Variants in NRXN3 observed in about 807,000 individuals in gnomAD.
The protein encoded by NRXN3 is neurexin 3.
NRXN3 carries 32 observed loss-of-function variants against 137.6 expected under a neutral mutation model. That is an observed-to-expected ratio of 0.23 (90% CI 0.18 to 0.31). The LOEUF is 0.31. Among genes scored for constraint, NRXN3 ranks in the 10% least tolerant of loss-of-function variants. The pLI, the probability that NRXN3 is intolerant of heterozygous loss-of-function variation, is 1.00. For synonymous variants in NRXN3, 798 were observed against 784.5 expected (o/e 1.02, Z -0.29); for missense variants, 1,574 against 2,062.5 (o/e 0.76, Z 4.59).
intron 15 of NRXN3, among the ~76,000 whole-genome samples, chr14:79,462,931 T>TA (rs1262728428): frequency 6.6e-6 from 1 of 152,132 alleles, no homozygotes; most frequent in African/African-American, 2.4e-5. Context: ...TATGTATATA[T>TA]TATTTGTATA....
chr14:79,740,011 C>T (rs1264588297), intron 19 of NRXN3, among the ~76,000 whole-genome samples: 1 of 152,156 alleles, frequency 6.6e-6, no homozygotes, highest in East Asian at 1.9e-4. Context: ...AGGATGCTGG[C>T]TGCTGCCTCA....
chr14:79,634,548 A>C (rs17109638), intron 16 of NRXN3, among the ~76,000 whole-genome samples: 40,143 of 152,120 alleles, frequency 0.26, 5,968 homozygotes, highest in African/African-American at 0.4. Context: ...TAAAGCAAGA[A>C]CTGTAAAACT....
intron 20 of NRXN3, among the ~76,000 whole-genome samples, chr14:79,828,803 C>T (rs1357795333): frequency 6.6e-6 from 1 of 151,954 alleles, no homozygotes; most frequent in African/African-American, 2.4e-5. Context: ...CAAGCACATA[C>T]AGCCTGATTG....
chr14:79,171,820 T>G (rs1312926034), intron 15 of NRXN3, among the ~76,000 whole-genome samples: 1 of 137,346 alleles, frequency 7.3e-6, no homozygotes, highest in African/African-American at 2.6e-5. Flanking sequence ...ATTTTATTTG[T>G]TTTTTTTTTC....
chr14:78,457,559 C>G (rs966850558), intron 4 of NRXN3, among the ~76,000 whole-genome samples: 1 of 152,078 alleles, frequency 6.6e-6, no homozygotes, highest in Non-Finnish European at 1.5e-5. Context: ...AATGGCCTGG[C>G]AACACATTGT....
chr14:78,449,530 A>G (rs778422325), intron 4 of NRXN3, among the ~76,000 whole-genome samples: 3 of 152,186 alleles, frequency 2.0e-5, no homozygotes, highest in Non-Finnish European at 2.9e-5. Context: ...CACATTTATT[A>G]TCTTACATTT....
intron 20 of NRXN3, among the ~76,000 whole-genome samples, chr14:79,845,467 T>A (rs917369887): frequency 1.3e-5 from 2 of 152,108 alleles, no homozygotes; most frequent in African/African-American, 2.4e-5. Context: ...TAGAGGCCAC[T>A]GCAGTGTTAT....
At chr14:78,423,216 A>G (rs956577375) in intron 4 of NRXN3, among the ~76,000 whole-genome samples, 1 of 152,222 alleles carries the variant, frequency 6.6e-6, no homozygotes, top group Non-Finnish European at 1.5e-5. Context: ...ACATTTATAC[A>G]GAAACCAAGG....
chr14:79,335,660 C>A (rs1432874433), intron 15 of NRXN3, among the ~76,000 whole-genome samples: 2 of 151,744 alleles, frequency 1.3e-5, no homozygotes, highest in Non-Finnish European at 2.9e-5. Context: ...ATGATATATA[C>A]TATATATATA....
chr14:79,315,327 T>G (rs1452430903), intron 15 of NRXN3, among the ~76,000 whole-genome samples: 1 of 152,218 alleles, frequency 6.6e-6, no homozygotes, highest in Non-Finnish European at 1.5e-5. Flanking sequence ...TTGGGAATAA[T>G]TCTTTCCTGG....
At position 79,383,987 on chromosome 14, in the gene NRXN3, T is replaced by C. The variant is rs564317079; in HGVS notation, c.3263-83234T>C. Among the ~76,000 whole-genome samples the C allele has an allele frequency of 5.9e-5, 9 of 152,286 alleles. No homozygotes were observed. The East Asian group carries it at 1.7e-3, about 29-fold the overall frequency. Reference sequence around the variant, plus strand: ...TTAGGTCAGTGTTTTTATTTCATTATGCTGGAAGTCCTCTTAGCTGCGAAA... The same window carrying C: ...TTAGGTCAGTGTTTTTATTTCATTACGCTGGAAGTCCTCTTAGCTGCGAAA... On this transcript the variant is annotated intron_variant, in intron 15 of 20. Coordinates refer to ENST00000335750, the MANE Select transcript of NRXN3 (RefSeq NM_001330195.2).
intron 20 of NRXN3, among the ~76,000 whole-genome samples, chr14:79,857,454 C>T (rs2099405226): frequency 6.6e-6 from 1 of 152,080 alleles, no homozygotes; most frequent in Non-Finnish European, 1.5e-5. Context: ...GATCTCCTGA[C>T]CTCATGATCC....
intron 4 of NRXN3, among the ~76,000 whole-genome samples, chr14:78,644,858 G>A (rs1601808026): frequency 6.6e-6 from 1 of 152,278 alleles, no homozygotes; most frequent in South Asian, 2.1e-4. Context: ...GAGAAAATTC[G>A]AAGGAAAGGC....
chr14:78,470,498 C>T (rs1486792909), intron 4 of NRXN3, among the ~76,000 whole-genome samples: 1 of 151,928 alleles, frequency 6.6e-6, no homozygotes, highest in Admixed American at 6.6e-5. Context: ...TACACCTTTC[C>T]TTAAAGAGTT....
intron 17 of NRXN3, among the ~76,000 whole-genome samples, chr14:79,670,400 G>A (rs567623558): frequency 1.8e-4 from 27 of 152,154 alleles, no homozygotes; most frequent in African/African-American, 6.5e-4. Flanking sequence ...AAGGGCCCCT[G>A]GCCCTGTCAC....
chr14:78,297,085 C>T (rs1019748250), intron 3 of NRXN3, among the ~76,000 whole-genome samples: 6 of 152,168 alleles, frequency 3.9e-5, no homozygotes, highest in Non-Finnish European at 7.3e-5. Flanking sequence ...TTTATTGGGA[C>T]TTTACATACC....
chr14:79,631,345 C>T (rs946061091), intron 16 of NRXN3, among the ~76,000 whole-genome samples: 1 of 152,262 alleles, frequency 6.6e-6, no homozygotes, highest in East Asian at 1.9e-4. Flanking sequence ...TCGGCCTCAG[C>T]GTCTGCTCTG....
At chr14:78,378,410 G>A (rs112226447) in intron 4 of NRXN3, among the ~76,000 whole-genome samples, 3 of 150,864 alleles carry the variant, frequency 2.0e-5, no homozygotes, top group Admixed American at 6.6e-5. Flanking sequence ...GCTTGAACCC[G>A]GGACGTGGAT....
chr14:79,251,566 G>T (rs1330944787), intron 15 of NRXN3, among the ~76,000 whole-genome samples: 1 of 152,118 alleles, frequency 6.6e-6, no homozygotes, highest in East Asian at 1.9e-4. Flanking sequence ...GGTGGTTATG[G>T]TTCGGATTAT....
Sources: allele counts gnomAD v4.1 joint callset (sites outside exome capture counted in the v4.1 genomes callset), GRCh38; gene constraint gnomAD v4.1.1; transcripts MANE v1.5; gene names NCBI Gene and HGNC (gene_info 2026-07-23, HGNC 2026-07-21).